Variants in SRPK2 observed in about 807,000 individuals in gnomAD.
SRPK2 encodes SRSF protein kinase 2.
A neutral mutation model predicts 90.8 loss-of-function variants in SRPK2; 21 were observed. The ratio of observed to expected loss-of-function variants is 0.23; its 90% confidence interval spans 0.16 to 0.33. SRPK2 has a LOEUF of 0.33. Among genes scored for constraint, SRPK2 ranks in the 10% least tolerant of loss-of-function variants. The pLI is 1.00. For synonymous variants in SRPK2, 288 were observed against 311.1 expected, an observed-to-expected ratio of 0.93 and a Z score of 0.78; for missense variants, 620 against 869.0, an observed-to-expected ratio of 0.71 and a Z score of 3.60.
At chr7:105,313,712 C>T (rs191229159) in intron 2 of SRPK2, among the ~76,000 whole-genome samples, 7 of 152,242 alleles carry the variant, frequency 4.6e-5, no homozygotes, top group Admixed American at 6.5e-5. Flanking sequence ...GATTGCACCA[C>T]TGCACTCCAG....
chr7:105,343,062 G>A (rs1816017862), intron 2 of SRPK2, among the ~76,000 whole-genome samples: 3 of 152,222 alleles, frequency 2.0e-5, no homozygotes, highest in Non-Finnish European at 1.5e-5. Flanking sequence ...AGTGGTAAGA[G>A]ATGGTAAAGA....
At chr7:105,275,942 C>CCTAAATAATTAGAG (rs1450442139) in intron 2 of SRPK2, among the ~76,000 whole-genome samples, 2 of 152,148 alleles carry the variant, frequency 1.3e-5, no homozygotes, top group African/African-American at 2.4e-5. Context: ...GATTATTCTA[C>CCTAAATAATTAGAG]CTAAATAATT....
At chr7:105,316,311 C>T (rs1812305436) in intron 2 of SRPK2, among the ~76,000 whole-genome samples, 2 of 152,112 alleles carry the variant, frequency 1.3e-5, no homozygotes, top group Admixed American at 1.3e-4. Flanking sequence ...AAGAAAATAC[C>T]TCTCAAATTA....
At position 105,353,887 on chromosome 7, in the gene SRPK2, A is replaced by C. The variant is rs77601151; in HGVS notation, c.71+34761T>G. ...TTCCTAAAGGCAACGCCCAAATCCC[A>C]CGTGAGGCCAAACTTCTCCCCAGGG... On this transcript the variant is annotated intron_variant, in intron 2 of 15. Coordinates refer to ENST00000393651, the MANE Select transcript of SRPK2 (RefSeq NM_182692.3). 1.3e-3 allele frequency among the ~76,000 whole-genome samples: 195 copies of C among 152,214 alleles called. 5 individuals are homozygous for C. The highest frequency in any genetic ancestry group is 4.5e-3 in the African/African-American group (189 of 41,542).
intron 2 of SRPK2, among the ~76,000 whole-genome samples, chr7:105,355,176 A>C (rs1196877013): frequency 6.6e-6 from 1 of 152,152 alleles, no homozygotes; most frequent in Non-Finnish European, 1.5e-5. Context: ...GCTGTGATCA[A>C]CAATGTTGCT....
chr7:105,170,971 A>AAG lies in SRPK2; in HGVS notation c.230-1708_230-1707dup, dbSNP rs1227173301. 2.2e-4 allele frequency among the ~76,000 whole-genome samples: 18 copies of AAG among 81,306 alleles called. 1 individual carries two copies. Among genetic ancestry groups the AAG allele is most frequent in the African/African-American group, 7.1e-4 (14 of 19,678 alleles). 53.3% of individuals were successfully genotyped at this position (81,306 alleles called of 152,430 possible). Reference sequence around the variant, plus strand: ...AGAAAGAAAGAAAGAAAGAAAGAGAAAGAAAGAGAAAGAAAGAAAGAAAGA... The same window carrying AAG: ...AGAAAGAAAGAAAGAAAGAAAGAGAAAGAGAAAGAGAAAGAAAGAAAGAAAGA... On this transcript the variant is annotated intron_variant, in intron 3 of 15. Coordinates refer to ENST00000393651, the MANE Select transcript of SRPK2 (RefSeq NM_182692.3).
chr7:105,316,197 G>GT (rs1441186951), intron 2 of SRPK2, among the ~76,000 whole-genome samples: 2 of 151,938 alleles, frequency 1.3e-5, no homozygotes, highest in African/African-American at 4.8e-5. Context: ...GATAATTTTT[G>GT]TATTTTTAGT....
chr7:105,228,696 G>A (rs554632649), intron 2 of SRPK2, among the ~76,000 whole-genome samples: 156 of 152,148 alleles, frequency 1.0e-3, no homozygotes, highest in Middle Eastern at 3.2e-3. Flanking sequence ...GGCAAGATGA[G>A]CTGCTAACAC....
At position 105,222,744 on chromosome 7, in the gene SRPK2, G is replaced by A. The variant is rs539305126; in HGVS notation, c.72-18959C>T. Among the ~76,000 whole-genome samples the A allele has an allele frequency of 1.9e-4, 29 of 152,066 alleles. No homozygotes were observed. The South Asian group carries it at 5.0e-3, about 26-fold the overall frequency. Reference sequence around the variant, plus strand: ...TAATTCAGAAAGATTTACACTTATGGCAAATATAACCACACCAGCCATTTA... The same window carrying A: ...TAATTCAGAAAGATTTACACTTATGACAAATATAACCACACCAGCCATTTA... On this transcript the variant is annotated intron_variant, in intron 2 of 15. Transcript: ENST00000393651.
intron 2 of SRPK2, among the ~76,000 whole-genome samples, chr7:105,290,561 G>A (rs969827972): frequency 3.9e-5 from 6 of 152,030 alleles, no homozygotes; most frequent in Admixed American, 6.6e-5. Context: ...AGTATAGGTC[G>A]GGCCACATCT....
chr7:105,236,609 T>A (rs1444099673), intron 2 of SRPK2, among the ~76,000 whole-genome samples: 2 of 152,066 alleles, frequency 1.3e-5, no homozygotes, highest in Non-Finnish European at 1.5e-5. Context: ...AAATGACAGG[T>A]CCAAGATGAG....
intron 2 of SRPK2, among the ~76,000 whole-genome samples, chr7:105,287,886 A>G (rs1316231198): frequency 6.6e-6 from 1 of 152,214 alleles, no homozygotes; most frequent in Non-Finnish European, 1.5e-5. Flanking sequence ...TATATTTTAA[A>G]TAATCTTGTC....
At chr7:105,256,166 C>T (rs1433433693) in intron 2 of SRPK2, among the ~76,000 whole-genome samples, 1 of 152,156 alleles carries the variant, frequency 6.6e-6, no homozygotes, top group Non-Finnish European at 1.5e-5. Flanking sequence ...TTAGTAATCA[C>T]AGTATTTAAA....
At chr7:105,241,798 A>G (rs1038196524) in intron 2 of SRPK2, among the ~76,000 whole-genome samples, 2 of 152,086 alleles carry the variant, frequency 1.3e-5, no homozygotes, top group African/African-American at 2.4e-5. Flanking sequence ...CACACGTTCC[A>G]TATCACCTCT....
intron 3 of SRPK2, among the ~76,000 whole-genome samples, chr7:105,185,089 C>A (rs1455770719): frequency 6.6e-6 from 1 of 151,824 alleles, no homozygotes; most frequent in Non-Finnish European, 1.5e-5. Context: ...GCTCATTTCT[C>A]GGTTCTTAAT....
chr7:105,376,923 T>G (rs1382584469), intron 2 of SRPK2, among the ~76,000 whole-genome samples: 1 of 140,616 alleles, frequency 7.1e-6, no homozygotes, highest in African/African-American at 2.7e-5. Flanking sequence ...AAAAGCTTAT[T>G]CAATAACTAA....
intron 11 of SRPK2, among the ~76,000 whole-genome samples, chr7:105,138,930 G>C (rs534333984): frequency 2.8e-4 from 43 of 152,372 alleles, no homozygotes; most frequent in Admixed American, 5.2e-4. Flanking sequence ...ATCCTAATAT[G>C]TGTAGCATGC....
At chr7:105,171,066 AAAG>A (rs1791066754) in intron 3 of SRPK2, among the ~76,000 whole-genome samples, 2 of 150,982 alleles carry the variant, frequency 1.3e-5, no homozygotes, top group South Asian at 2.1e-4. Flanking sequence ...AGAAAAAAGA[AAAG>A]AAAGAAAGGG....
chr7:105,222,056 T>A lies in SRPK2; in HGVS notation c.72-18271A>T, dbSNP rs74378804. Among the ~76,000 whole-genome samples the A allele has an allele frequency of 2.8e-3, 429 of 152,346 alleles. 11 individuals are homozygous for A. In the East Asian group the frequency reaches 0.055, roughly 20 times the overall value. On this transcript the variant is annotated intron_variant, in intron 2 of 15. Transcript: ENST00000393651. ...CATCATACACGTCTACCAAAACTAC[T>A]GAACCATTCCTTTGTTTCCAGTCTT... is the stretch of plus-strand genomic sequence containing the variant.
Sources: allele counts gnomAD v4.1 joint callset (sites outside exome capture counted in the v4.1 genomes callset), GRCh38; gene constraint gnomAD v4.1.1; transcripts MANE v1.5; gene names NCBI Gene and HGNC (gene_info 2026-07-23, HGNC 2026-07-21).